Variants in SF3B2 observed in about 807,000 individuals in gnomAD.
SF3B2 encodes the protein splicing factor 3b subunit 2.
In SF3B2, 22 loss-of-function variants were observed where a neutral mutation model predicts 116.3. That is an observed-to-expected ratio of 0.19 (90% confidence interval 0.14 to 0.27). SF3B2 has a LOEUF of 0.27. Among genes scored for constraint, SF3B2 ranks in the 10% least tolerant of loss-of-function variants. The pLI, the probability that SF3B2 is intolerant of heterozygous loss-of-function variation, is 1.00. For synonymous variants in SF3B2, 406 were observed against 421.6 expected, an observed-to-expected ratio of 0.96 and a Z score of 0.45; for missense variants, 767 against 1,151.4, an observed-to-expected ratio of 0.67 and a Z score of 4.83.
rs1006520110 is a variant in SF3B2, at chr11:66,068,702, A to G, written c.2645A>G (p.Asp882Gly). 8 of 1,613,968 alleles carry G rather than the reference A, an allele frequency of 5.0e-6. No individual in the cohort carries two copies. The highest frequency in any genetic ancestry group is 5.9e-6 in the Non-Finnish European group (7 of 1,180,008). ...AAAAAACGGAAAGCTCAGCCCCAGG[A>G]CAGCCGTGGGGGCAGCAAGAAATAT... ...KQKKRKAQPQ[D>G]SRGGSKKYKE... The change falls in exon 22 of 22, where the codon GAC becomes GGC. Residue 882 changes from aspartate to glycine, a missense_variant. Physicochemically the swap from Asp to Gly is moderately conservative, Grantham distance 94. Transcript: ENST00000322535.
At position 66,059,056 on chromosome 11, in the gene SF3B2, A is replaced by C; in HGVS notation, c.1182+11A>C. ...TTTGAGGCTTTTAAGGTACAAGGAG[A>C]GCACACTAGGAAGGGGCAGTGCCAA... On this transcript the variant is annotated intron_variant, in intron 10 of 21. Transcript: ENST00000322535. The surrounding 1 kb of genome is among the most constrained non-coding windows in gnomAD (Gnocchi z 5.0). The C allele has an allele frequency of 6.2e-7, 1 of 1,613,130 alleles. No homozygotes were observed. The highest frequency in any genetic ancestry group is 8.5e-7 in the Non-Finnish European group (1 of 1,179,246).
intron 16 of SF3B2, 143 bp from the exon 17 acceptor site, chr11:66,062,866 C>T: frequency 2.0e-6 from 1 of 492,758 alleles, no homozygotes; most frequent in South Asian, 5.1e-5. Flanking sequence ...TCTAATGCTT[C>T]ATAACATTTG....
intron 21 of SF3B2, 166 bp from the exon 22 acceptor site, chr11:66,068,508 G>A: frequency 1.2e-6 from 1 of 858,242 alleles, no homozygotes; most frequent in Non-Finnish European, 1.8e-6. Context: ...CTTTAAGGAC[G>A]ATGAGGGGGA....
chr11:66,067,962 C>G lies in SF3B2; in HGVS notation c.2347C>G (p.Leu783Val). 1 of 1,614,146 alleles carries G rather than the reference C, an allele frequency of 6.2e-7. No individual in the cohort carries two copies. The highest frequency in any genetic ancestry group is 8.5e-7 in the Non-Finnish European group (1 of 1,179,998). The change falls in exon 20 of 22, where the codon CTC (leucine) becomes GTC (valine). Residue 783 changes from leucine (L) to valine (V), a missense_variant. Coordinates refer to ENST00000322535, the MANE Select transcript of SF3B2 (RefSeq NM_006842.3). ...CCTTCGCAGAAGTGAGACACCTCAGCTCTTCACTGTGTTGCCAGAGAAGAG... is the reference window on the plus strand; with the variant it reads ...CCTTCGCAGAAGTGAGACACCTCAGGTCTTCACTGTGTTGCCAGAGAAGAG... ...EAMDGSETPQ[L>V]FTVLPEKRTA...
chr11:66,054,255 T>C (rs1229060467), intron 3 of SF3B2, among the ~76,000 whole-genome samples: 1 of 149,700 alleles, frequency 6.7e-6, no homozygotes, highest in Non-Finnish European at 1.5e-5. Context: ...AGGTGGGCGA[T>C]CACTTGAGGT....
chr11:66,068,600 G>A, intron 21 of SF3B2, 74 bp from the exon 22 acceptor site: 1 of 1,286,018 alleles, frequency 7.8e-7, no homozygotes, highest in South Asian at 1.2e-5. Context: ...TCTATGTCAG[G>A]CTGCCCACCC....
At chr11:66,054,168 C>T (rs1424813300) in intron 3 of SF3B2, among the ~76,000 whole-genome samples, 4 of 117,638 alleles carry the variant, frequency 3.4e-5, no homozygotes, top group Admixed American at 1.0e-4. Flanking sequence ...GGCAATAGAG[C>T]GAGACTGTCT....
chr11:66,068,273 G>A lies in SF3B2; in HGVS notation c.2556G>A (p.Gln852=), dbSNP rs966858327. 8 of 1,613,972 alleles carry A rather than the reference G, an allele frequency of 5.0e-6. No homozygotes were observed. The highest frequency in any genetic ancestry group is 6.8e-6 in the Non-Finnish European group (8 of 1,180,026). ...ATGAGGAGCATGTGCGGGAGCAGCA[G>A]GCTCAAGTAGAGAAGGAGGACTTCA... ...QKYEEHVREQ[Q]AQVEKEDFSD... is the part of the protein sequence containing the mutation. The change falls in exon 21 of 22, where the codon CAG becomes CAA. Residue 852 remains glutamine (Q), a synonymous_variant. Coordinates refer to ENST00000322535, the MANE Select transcript of SF3B2 (RefSeq NM_006842.3).
rs1857240078 is a variant in SF3B2, at chr11:66,068,856, A to C, written c.*111A>C. On this transcript the variant is annotated 3_prime_UTR_variant, in exon 22 of 22. Coordinates refer to ENST00000322535, the MANE Select transcript of SF3B2 (RefSeq NM_006842.3). The stretch of plus-strand genomic sequence containing the variant: ...ACTTGTCATTTCATGTTCTTATTTT[A>C]GACCTGTTTTGTAAATAAAGCTGTT... 2.4e-6 allele frequency: 2 copies of C among 848,922 alleles called. No homozygotes were observed. Among genetic ancestry groups the C allele is most frequent in the African/African-American group, 1.7e-5 (1 of 58,432 alleles). 52.6% of individuals were successfully genotyped at this position (848,922 alleles called of 1,614,324 possible).
In SF3B2 at chr11:66,055,243, AGAG is replaced by A. The variant is rs1856972002; in HGVS notation, c.433_435del (p.Glu145del). ...GTGTGGGTGAGCCAGTGGCACTGTCAGAGGAGGAGCGGCTGAAGTTGGCTCAGC... is the reference window on the plus strand; with the variant it reads ...GTGTGGGTGAGCCAGTGGCACTGTCAGAGGAGCGGCTGAAGTTGGCTCAGC... On this transcript the variant is annotated inframe_deletion, in exon 4 of 22. Coordinates refer to ENST00000322535, the MANE Select transcript of SF3B2 (RefSeq NM_006842.3). The A allele has an allele frequency of 6.2e-7, 1 of 1,613,906 alleles. No homozygotes were observed. Among genetic ancestry groups the A allele is most frequent in the Non-Finnish European group, 8.5e-7 (1 of 1,179,900 alleles).
rs1372848143 is a variant in SF3B2 at position 66,059,051 on chromosome 11, A to G, written c.1182+6A>G. ...GGATCTTTGAGGCTTTTAAGGTACAAGGAGAGCACACTAGGAAGGGGCAGT... is the reference window on the plus strand; with the variant it reads ...GGATCTTTGAGGCTTTTAAGGTACAGGGAGAGCACACTAGGAAGGGGCAGT... On this transcript the variant is annotated splice_donor_region_variant and intron_variant, in intron 10 of 21. Coordinates refer to ENST00000322535, the MANE Select transcript of SF3B2 (RefSeq NM_006842.3). This position sits in a 1 kb window ranked among gnomAD's most constrained non-coding sequence, Gnocchi z 5.0. The G allele has an allele frequency of 6.2e-7, 1 of 1,613,628 alleles. No individual in the cohort carries two copies.
In SF3B2 at chr11:66,054,442, A is replaced by G. The variant is rs1003244467; in HGVS notation, c.259-634A>G. 8.0e-5 allele frequency among the ~76,000 whole-genome samples: 12 copies of G among 150,392 alleles called. No individual in the cohort carries two copies. The Middle Eastern group carries it at 0.021, about 258-fold the overall frequency. ...CAGTGAGCTGAGATTGCGCCATTGC[A>G]CTCCAGCCTGGGTGACAGAGCGAGA... On this transcript the variant is annotated intron_variant, in intron 3 of 21. Transcript: ENST00000322535.
At chr11:66,054,193 AG>A (rs1183022805) in intron 3 of SF3B2, among the ~76,000 whole-genome samples, 4 of 150,632 alleles carry the variant, frequency 2.7e-5, no homozygotes, top group African/African-American at 9.8e-5. Flanking sequence ...AAAAAAAAAA[AG>A]AGGCAGGGCA....
chr11:66,062,895 A>T (rs546003779), intron 16 of SF3B2, 114 bp from the exon 17 acceptor site: 1 of 556,230 alleles, frequency 1.8e-6, no homozygotes, highest in South Asian at 4.1e-5. Flanking sequence ...CTGCAGTCAT[A>T]ATTTCCGGAG....
In SF3B2 at chr11:66,058,930, G is replaced by C. The variant is rs760204374; in HGVS notation, c.1067G>C (p.Arg356Pro). The change falls in exon 10 of 22, where the codon CGG becomes CCG. Residue 356 changes from arginine (R) to proline (P), a missense_variant. Transcript: ENST00000322535. ...SSGDREKDST[R>P]SRGSDSPAAD... ...GGGGACCGGGAGAAAGACTCAACCC[G>C]GTCCCGTGGCTCTGATTCCCCAGCA... 6.2e-7 allele frequency: 1 copy of C among 1,614,146 alleles called. No individual in the cohort carries two copies. The highest frequency in any genetic ancestry group is 1.1e-5 in the South Asian group (1 of 91,082).
At chr11:66,065,702 C>T (rs956140273) in intron 19 of SF3B2, 3 of 152,052 alleles carry the variant, frequency 2.0e-5, no homozygotes, top group Admixed American at 1.3e-4. Context: ...ATTTCTATTG[C>T]TATATGTTCA....
Position 66,063,401 on chromosome 11 carries a change from C to A in SF3B2, c.2087C>A (p.Thr696Asn), listed in dbSNP as rs373132159. 1 of 1,611,492 alleles carries A rather than the reference C, an allele frequency of 6.2e-7. No individual in the cohort carries two copies. Among genetic ancestry groups the A allele is most frequent in the Non-Finnish European group, 8.5e-7 (1 of 1,178,786 alleles). Residue 696 changes from threonine to asparagine, a missense_variant and splice_region_variant, in exon 18 of 22, where the codon ACC becomes AAC. By Grantham distance (65) the Thr-to-Asn change is moderately conservative (BLOSUM62 0). Coordinates refer to ENST00000322535, the MANE Select transcript of SF3B2 (RefSeq NM_006842.3). ...VFGTNAAEFQ[T>N]KTEEEEIDRT... ...GAATGATAAAGTGATCTCTTTCAGA[C>A]CAAGACTGAGGAAGAAGAGATTGAT...
At position 66,063,136 on chromosome 11, in the gene SF3B2, G is replaced by A. The variant is rs376603864; in HGVS notation, c.2085+20G>A. On this transcript the variant is annotated intron_variant, in intron 17 of 21. Coordinates refer to ENST00000322535, the MANE Select transcript of SF3B2 (RefSeq NM_006842.3). Reference sequence around the variant, plus strand: ...TTTCAGGTATGGGCCATGTACTAGCGATCTTGGTTTTACTTAATGTCATGA... The same window carrying A: ...TTTCAGGTATGGGCCATGTACTAGCAATCTTGGTTTTACTTAATGTCATGA... The A allele has an allele frequency of 4.2e-5, 65 of 1,564,022 alleles. No individual in the cohort carries two copies. In the African/African-American group the frequency reaches 4.9e-4, roughly 12 times the overall value.
chr11:66,068,846 T>C lies in SF3B2; in HGVS notation c.*101T>C. The C allele has an allele frequency of 1.1e-6, 1 of 944,532 alleles. No individual in the cohort carries two copies. Among genetic ancestry groups the C allele is most frequent in the Non-Finnish European group, 1.7e-6 (1 of 602,354 alleles). The allele number at this position is 944,532 out of a possible 1,614,324, so 58.5% of individuals were successfully genotyped here. ...GTTCCCAAGGACTTGTCATTTCATG[T>C]TCTTATTTTAGACCTGTTTTGTAAA... On this transcript the variant is annotated 3_prime_UTR_variant, in exon 22 of 22. Coordinates refer to ENST00000322535, the MANE Select transcript of SF3B2 (RefSeq NM_006842.3).
Sources: allele counts gnomAD v4.1 joint callset (sites outside exome capture counted in the v4.1 genomes callset), GRCh38; gene constraint gnomAD v4.1.1; non-coding constraint Gnocchi (gnomAD v3.1); transcripts MANE v1.5; gene names NCBI Gene and HGNC (gene_info 2026-07-23, HGNC 2026-07-21).